Variants in RORA observed in about 807,000 individuals in gnomAD.
The protein encoded by RORA is RAR related orphan receptor A.
In RORA, 7 loss-of-function variants were observed where a neutral mutation model predicts 69.5. The ratio of observed to expected loss-of-function variants is 0.10; its 90% CI spans 0.06 to 0.19. The LOEUF (loss-of-function observed/expected upper bound fraction) is 0.19, where lower values mean the gene tolerates loss of function less well. Ranked by LOEUF, RORA falls within the 10% of genes least tolerant of loss-of-function variation. The pLI is 1.00. For missense variants in RORA, 457 were observed against 663.0 expected (o/e 0.69, Z 3.41); for synonymous variants, 261 against 240.8 (o/e 1.08, Z -0.78).
intron 2 of RORA, among the ~76,000 whole-genome samples, chr15:60,670,594 A>G (rs563131711): frequency 6.6e-6 from 1 of 152,208 alleles, no homozygotes. Flanking sequence ...TAGGAGACAT[A>G]CAAAATCAAG....
At chr15:60,960,229 G>A (rs543526195) in intron 1 of RORA, among the ~76,000 whole-genome samples, 1 of 152,170 alleles carries the variant, frequency 6.6e-6, no homozygotes, top group Non-Finnish European at 1.5e-5. Flanking sequence ...ACATGTTAAA[G>A]AAGAATCTTT....
At chr15:61,227,697 C>G (rs550802751) in intron 1 of RORA, among the ~76,000 whole-genome samples, 63 of 152,162 alleles carry the variant, frequency 4.1e-4, no homozygotes, top group Non-Finnish European at 7.9e-4. Flanking sequence ...CCAGCCCTCC[C>G]CAACCGCCGC....
chr15:61,140,311 G>C (rs953014432), intron 1 of RORA, among the ~76,000 whole-genome samples: 8 of 152,144 alleles, frequency 5.3e-5, no homozygotes, highest in African/African-American at 1.9e-4. Flanking sequence ...TTTTAAAGTA[G>C]GTTAAGGAAT....
intron 1 of RORA, among the ~76,000 whole-genome samples, chr15:60,960,047 T>C (rs1480901803): frequency 1.3e-5 from 2 of 151,912 alleles, no homozygotes; most frequent in Non-Finnish European, 2.9e-5. Context: ...GAAAACAGGA[T>C]TTTTTTTGTG....
intron 1 of RORA, among the ~76,000 whole-genome samples, chr15:60,986,334 A>G (rs1229058418): frequency 6.6e-6 from 1 of 152,182 alleles, no homozygotes; most frequent in Non-Finnish European, 1.5e-5. Context: ...GAGTTTTACC[A>G]TGTTGGCCAA....
chr15:61,063,800 TA>T (rs2078219697), intron 1 of RORA, among the ~76,000 whole-genome samples: 1 of 152,218 alleles, frequency 6.6e-6, no homozygotes, highest in South Asian at 2.1e-4. Context: ...TTTTTCCATT[TA>T]AAATTCCCAA....
intron 2 of RORA, among the ~76,000 whole-genome samples, chr15:60,634,540 G>A (rs540466460): frequency 1.1e-3 from 160 of 152,140 alleles, no homozygotes; most frequent in African/African-American, 3.6e-3. Context: ...GAGTAGCTGG[G>A]ACTACAGGCG....
At chr15:60,787,180 C>CA (rs1218011583) in intron 1 of RORA, among the ~76,000 whole-genome samples, 1 of 152,196 alleles carries the variant, frequency 6.6e-6, no homozygotes, top group African/African-American at 2.4e-5. Context: ...TGGGGAGCGC[C>CA]ATGGGGCCAA....
At chr15:61,165,128 T>A (rs749795796) in intron 1 of RORA, among the ~76,000 whole-genome samples, 1 of 152,200 alleles carries the variant, frequency 6.6e-6, no homozygotes, top group Non-Finnish European at 1.5e-5. Flanking sequence ...AGAATCTGTG[T>A]GTGAAAAAAC....
intron 1 of RORA, among the ~76,000 whole-genome samples, chr15:61,135,087 C>T (rs1454320709): frequency 6.8e-6 from 1 of 147,970 alleles, no homozygotes; most frequent in Non-Finnish European, 1.5e-5. Context: ...GCAGGCAGAT[C>T]GCTTGAGGCC....
At chr15:60,715,525 C>T (rs187355709) in intron 1 of RORA, among the ~76,000 whole-genome samples, 1 of 152,304 alleles carries the variant, frequency 6.6e-6, no homozygotes, top group Non-Finnish European at 1.5e-5. Context: ...ACAAACAAAG[C>T]TATGAAAACC....
intron 1 of RORA, among the ~76,000 whole-genome samples, chr15:61,201,640 T>C (rs1452736119): frequency 1.3e-5 from 2 of 152,226 alleles, no homozygotes; most frequent in African/African-American, 4.8e-5. Context: ...TAATTTTTTT[T>C]CTATTGTTCT....
chr15:60,875,671 A>C (rs979055832), intron 1 of RORA, among the ~76,000 whole-genome samples: 2 of 152,202 alleles, frequency 1.3e-5, no homozygotes, highest in African/African-American at 2.4e-5. Flanking sequence ...TTCTGTTAGA[A>C]ATGCGTCTGC....
At chr15:60,780,919 T>A (rs1184363148) in intron 1 of RORA, among the ~76,000 whole-genome samples, 1 of 152,228 alleles carries the variant, frequency 6.6e-6, no homozygotes, top group African/African-American at 2.4e-5. Flanking sequence ...CCAGGGGTCA[T>A]GCAATCTTCC....
intron 1 of RORA, among the ~76,000 whole-genome samples, chr15:60,721,731 C>A (rs1595659067): frequency 2.0e-5 from 3 of 152,232 alleles, no homozygotes; most frequent in South Asian, 4.1e-4. Flanking sequence ...ATATATGGAG[C>A]TTTTCTAAAA....
chr15:61,152,103 CA>C (rs1567013171), intron 1 of RORA, among the ~76,000 whole-genome samples: 1 of 152,276 alleles, frequency 6.6e-6, no homozygotes, highest in South Asian at 2.1e-4. Context: ...CAAACAAATA[CA>C]AATTCCACCA....
chr15:61,037,417 CA>C (rs1227287895), intron 1 of RORA, among the ~76,000 whole-genome samples: 1 of 152,178 alleles, frequency 6.6e-6, no homozygotes, highest in African/African-American at 2.4e-5. Flanking sequence ...CGGTCAGCAC[CA>C]GTCTATAAGC....
intron 1 of RORA, among the ~76,000 whole-genome samples, chr15:60,752,378 A>G (rs1457601053): frequency 1.3e-5 from 2 of 152,130 alleles, no homozygotes; most frequent in African/African-American, 4.8e-5. Flanking sequence ...TGTGAAAGGA[A>G]AGTGTGGCGA....
rs1334600497 is a variant in RORA at position 61,040,163 on chromosome 15, T to A, written c.166+188890A>T. Among the ~76,000 whole-genome samples the A allele has an allele frequency of 8.3e-4, 90 of 108,944 alleles. No homozygotes were observed. The East Asian group carries it at 8.8e-3, about 11-fold the overall frequency. 71.5% of individuals were successfully genotyped at this position (108,944 alleles called of 152,430 possible). ...ATATATATATATATATATATATATA[T>A]AAAATATATGAAATATACATTATAG... On this transcript the variant is annotated intron_variant, in intron 1 of 10. Transcript: ENST00000335670.
Sources: allele counts gnomAD v4.1 joint callset (sites outside exome capture counted in the v4.1 genomes callset), GRCh38; gene constraint gnomAD v4.1.1; transcripts MANE v1.5; gene names NCBI Gene and HGNC (gene_info 2026-07-23, HGNC 2026-07-21).